DIP2A: variants seen among roughly 807,000 people sequenced by gnomAD.
DIP2A encodes DIP2 acetate--CoA ligase A.
Under a neutral mutation model 177.4 loss-of-function variants are expected in DIP2A, and 85 were observed. The observed-to-expected ratio is 0.48, with a 90% CI of 0.40 to 0.57. The LOEUF is 0.57. DIP2A is among the 20% of genes least tolerant of loss of function. The pLI, the probability that DIP2A is intolerant of heterozygous loss-of-function variation, is 0.00. For missense variants in DIP2A, 1,791 were observed against 2,100.2 expected (o/e 0.85, Z 2.88); for synonymous variants, 886 against 881.8 (o/e 1.00, Z -0.08).
In DIP2A at chr21:46,563,723, C is replaced by T; in HGVS notation, c.4090-135C>T. 7.1e-7 allele frequency: 1 copy of T among 1,407,798 alleles called. No homozygotes were observed. The highest frequency in any genetic ancestry group is 9.3e-7 in the Non-Finnish European group (1 of 1,073,214). 87.2% of individuals were successfully genotyped at this position (1,407,798 alleles called of 1,614,324 possible). On this transcript the variant is annotated intron_variant, in intron 34 of 37. Coordinates refer to ENST00000417564, the MANE Select transcript of DIP2A (RefSeq NM_015151.4). The surrounding 1 kb of genome is among the most constrained non-coding windows in gnomAD (Gnocchi z 4.3). ...TTCAAAGTCAAATTTGGAGCGGCCT[C>T]TAAACTTCCTGACCTGACATGAGCA...
At chr21:46,558,714 AG>A in intron 32 of DIP2A, 1 of 334,016 alleles carries the variant, frequency 3.0e-6, no homozygotes, top group South Asian at 3.0e-5. Flanking sequence ...TAAGATATCT[AG>A]CAATATTAAA....
At chr21:46,506,249 C>G (rs1339266932) in intron 6 of DIP2A, among the ~76,000 whole-genome samples, 2 of 152,134 alleles carry the variant, frequency 1.3e-5, no homozygotes, top group Non-Finnish European at 2.9e-5. Context: ...TCCCAAGTAG[C>G]TGGGATTACA....
At chr21:46,477,543 T>TGTGTGTGTGTGTGTGTGTGTGTG (rs2055964791) in intron 1 of DIP2A, among the ~76,000 whole-genome samples, 39 of 87,128 alleles carry the variant, frequency 4.5e-4, no homozygotes, top group Middle Eastern at 6.0e-3. Context: ...AAAAAAAGAT[T>TGTGTGTGTGTGTGTGTGTGTGTG]TGTGTGTGTG....
downstream of DIP2A, among the ~76,000 whole-genome samples, chr21:46,572,621 C>G (rs2060976309): frequency 6.6e-6 from 1 of 152,084 alleles, no homozygotes; most frequent in Admixed American, 6.5e-5. Flanking sequence ...CATATGATGC[C>G]CTGCACTACC....
intron 1 of DIP2A, among the ~76,000 whole-genome samples, chr21:46,470,890 C>G (rs1037379243): frequency 6.8e-6 from 1 of 146,868 alleles, no homozygotes; most frequent in Non-Finnish European, 1.5e-5. Flanking sequence ...GATAATACCA[C>G]TGCACTCCAG....
rs1403628445 is a variant in DIP2A, at chr21:46,508,384, A to G, written c.785-873A>G. On this transcript the variant is annotated intron_variant, in intron 6 of 37. Coordinates refer to ENST00000417564, the MANE Select transcript of DIP2A (RefSeq NM_015151.4). ...TTTTTTTTTTTTTTTTTTGAGAAGAAGTCTCCCTCTTTCACCAAGGCTGGA... is the reference window on the plus strand; with the variant it reads ...TTTTTTTTTTTTTTTTTTGAGAAGAGGTCTCCCTCTTTCACCAAGGCTGGA... Among the ~76,000 whole-genome samples, 5 of 135,514 alleles carry G rather than the reference A, an allele frequency of 3.7e-5. No individual in the cohort carries two copies. The East Asian group carries it at 1.1e-3, about 30-fold the overall frequency. 88.9% of individuals were successfully genotyped at this position (135,514 alleles called of 152,430 possible).
rs117911182 is a variant in DIP2A at position 46,562,476 on chromosome 21, G to T, written c.4089+671G>T. On this transcript the variant is annotated intron_variant, in intron 34 of 37. Coordinates refer to ENST00000417564, the MANE Select transcript of DIP2A (RefSeq NM_015151.4). ...GAAGGAGCTTGGCCACCCTGACTCC[G>T]TTCACTGCCATGGCCACAGCCACCT... is the stretch of plus-strand genomic sequence containing the variant. Among the ~76,000 whole-genome samples the T allele has an allele frequency of 7.7e-3, 1,170 of 152,334 alleles. 8 individuals are homozygous for T. The highest frequency in any genetic ancestry group is 0.02 in the Middle Eastern group (6 of 294).
intron 5 of DIP2A, among the ~76,000 whole-genome samples, chr21:46,503,325 CAA>C (rs66982574): frequency 0.01 from 1,025 of 101,322 alleles, 9 homozygotes; most frequent in African/African-American, 0.037. Context: ...GACTCCATCT[CAA>C]AAAAAAAAAA....
At chr21:46,468,919 G>A (rs548297437) in intron 1 of DIP2A, among the ~76,000 whole-genome samples, 1 of 152,274 alleles carries the variant, frequency 6.6e-6, no homozygotes, top group Non-Finnish European at 1.5e-5. Flanking sequence ...TTCATTGCCA[G>A]CTATTCTGTA....
At chr21:46,506,766 TTC>T (rs1491072298) in intron 6 of DIP2A, among the ~76,000 whole-genome samples, 27 of 100,306 alleles carry the variant, frequency 2.7e-4, no homozygotes, top group African/African-American at 1.1e-3. Context: ...CTTTCTTTCT[TTC>T]TTTCTTTTCT....
intron 33 of DIP2A, chr21:46,561,531 G>A (rs776997263): frequency 9.1e-5 from 60 of 659,702 alleles, no homozygotes; most frequent in Non-Finnish European, 1.5e-4. Flanking sequence ...GTGAGCACAT[G>A]GGGTGGGTGG....
intron 36 of DIP2A, 119 bp downstream of exon 36, chr21:46,566,006 T>TG (rs10641570): frequency 1.0e-5 from 12 of 1,199,644 alleles, no homozygotes; most frequent in East Asian, 4.7e-5. Context: ...TTGCTCCTTG[T>TG]GGGGGGAAGA....
Position 46,481,876 on chromosome 21 carries a change from C to G in DIP2A, c.92-2881C>G, listed in dbSNP as rs140501839. ...GACCAGCCTGGCTAACATGGTGAAA[C>G]CCCATCTCTACTAAAAATACAAAAA... On this transcript the variant is annotated intron_variant, in intron 1 of 37. Transcript: ENST00000417564. Among the ~76,000 whole-genome samples the G allele has an allele frequency of 8.0e-3, 1,213 of 152,154 alleles. 16 individuals are homozygous for G. The highest frequency in any genetic ancestry group is 0.028 in the African/African-American group (1,151 of 41,514).
rs777052166 is a variant in DIP2A, at chr21:46,569,654, A to G, written c.*2032A>G. Reference sequence around the variant, plus strand: ...TTTAGAATTACTCTGGGAATTCTGTATATCACACTAAAATTTTTATATCAT... The same window carrying G: ...TTTAGAATTACTCTGGGAATTCTGTGTATCACACTAAAATTTTTATATCAT... On this transcript the variant is annotated 3_prime_UTR_variant, in exon 38 of 38. Coordinates refer to ENST00000417564, the MANE Select transcript of DIP2A (RefSeq NM_015151.4). 6 of 152,230 alleles carry G rather than the reference A, an allele frequency of 3.9e-5. No homozygotes were observed. The highest frequency in any genetic ancestry group is 2.6e-4 in the Admixed American group (4 of 15,284). 9.4% of individuals were successfully genotyped at this position (152,230 alleles called of 1,614,324 possible). A position where few individuals can be genotyped will look rare whatever the true frequency, so the allele number is the denominator to read the frequency against.
intron 20 of DIP2A, 77 bp from the exon 21 acceptor site, chr21:46,546,838 G>A (rs1601789120): frequency 1.9e-6 from 3 of 1,548,900 alleles, no homozygotes; most frequent in South Asian, 2.4e-5. Flanking sequence ...CCCCTTCTTG[G>A]GGGGCCTGAC....
chr21:46,460,277 C>T (rs1297543382), intron 1 of DIP2A, among the ~76,000 whole-genome samples: 1 of 151,934 alleles, frequency 6.6e-6, no homozygotes, highest in Non-Finnish European at 1.5e-5. Context: ...GGTGGCATTT[C>T]CCATTTGGAT....
the DIP2A span, among the ~76,000 whole-genome samples, chr21:46,577,163 T>C: frequency 6.6e-6 from 1 of 152,226 alleles, no homozygotes; most frequent in Non-Finnish European, 1.5e-5. Context: ...CTTTTGCTTT[T>C]GTTGCAATTG....
At position 46,561,388 on chromosome 21, in the gene DIP2A, A is replaced by G. The variant is rs118052415; in HGVS notation, c.4032-360A>G. Reference sequence around the variant, plus strand: ...GTATCAGGGCCCCTCCCAGCTTTGAAGCTCAGATCCCAGTCCTGGATTCTC... The same window carrying G: ...GTATCAGGGCCCCTCCCAGCTTTGAGGCTCAGATCCCAGTCCTGGATTCTC... On this transcript the variant is annotated intron_variant, in intron 33 of 37. Transcript: ENST00000417564. 1.4e-4 allele frequency: 49 copies of G among 359,894 alleles called. No homozygotes were observed. The East Asian group carries it at 2.3e-3, about 17-fold the overall frequency. 22.3% of individuals were successfully genotyped at this position (359,894 alleles called of 1,614,324 possible).
intron 8 of DIP2A, among the ~76,000 whole-genome samples, chr21:46,526,393 A>AT (rs111449062): frequency 0.48 from 69,930 of 146,076 alleles, 16,838 homozygotes; most frequent in African/African-American, 0.54. Flanking sequence ...AAAAACGTTC[A>AT]TTCCTTTTTT....
Sources: gnomAD v4.1 joint callset for allele counts (sites outside exome capture counted in the v4.1 genomes callset) on GRCh38, gnomAD v4.1.1 for gene constraint, Gnocchi (gnomAD v3.1) non-coding constraint, MANE v1.5 for transcripts, NCBI Gene and HGNC (gene_info 2026-07-23, HGNC 2026-07-21) for gene names.